The following HSPA12A variants were observed in gnomAD, a reference collection of about 807,000 sequenced individuals.
The protein encoded by HSPA12A is heat shock protein family A (Hsp70) member 12A, also known as heat shock 70 kDa protein 12A.
In HSPA12A, 28 loss-of-function variants were observed where a neutral mutation model predicts 69.2. The ratio of observed to expected loss-of-function variants is 0.40; its 90% confidence interval spans 0.30 to 0.55. The LOEUF (loss-of-function observed/expected upper bound fraction) is 0.55. HSPA12A is among the 20% of genes least tolerant of loss of function. The pLI is 0.38. For synonymous variants in HSPA12A, 345 were observed against 370.5 expected (o/e 0.93, Z 0.79); for missense variants, 686 against 900.7 (o/e 0.76, Z 3.05).
chr10:116,685,023 C>T (rs1387085881), intron 6 of HSPA12A, among the ~76,000 whole-genome samples: 7 of 152,218 alleles, frequency 4.6e-5, no homozygotes, highest in African/African-American at 7.2e-5. Flanking sequence ...TTCAGGTACA[C>T]GGGTGTCCTC....
At chr10:116,849,986 A>G (rs1334600307), upstream of HSPA12A, 1 of 661,164 alleles carries the variant, frequency 1.5e-6, no homozygotes, top group African/African-American at 1.8e-5. Flanking sequence ...TTTGACCTGC[A>G]GCGGCAGCCC....
intron 4 of HSPA12A, among the ~76,000 whole-genome samples, chr10:116,700,078 G>A (rs1353019027): frequency 6.6e-6 from 1 of 152,204 alleles, no homozygotes; most frequent in Non-Finnish European, 1.5e-5. Context: ...ATCCCCATGA[G>A]GAAGGCACTG....
chr10:116,793,685 A>G (rs1844751268), intron 2 of HSPA12A, among the ~76,000 whole-genome samples: 1 of 152,210 alleles, frequency 6.6e-6, no homozygotes, highest in South Asian at 2.1e-4. Context: ...TCCTTGTACT[A>G]TATAGAAGGA....
chr10:116,793,843 A>G (rs1844755169), intron 2 of HSPA12A, among the ~76,000 whole-genome samples: 1 of 152,204 alleles, frequency 6.6e-6, no homozygotes, highest in African/African-American at 2.4e-5. Flanking sequence ...AGAAAAAGAA[A>G]AACAGAAAGC....
At chr10:116,834,316 T>C (rs1008979037) in intron 2 of HSPA12A, among the ~76,000 whole-genome samples, 3 of 152,172 alleles carry the variant, frequency 2.0e-5, no homozygotes, top group Non-Finnish European at 4.4e-5. Context: ...TTAGTTAACA[T>C]GTTTTAAAAG....
chr10:116,799,754 G>A (rs1248691839), intron 2 of HSPA12A, among the ~76,000 whole-genome samples: 1 of 152,204 alleles, frequency 6.6e-6, no homozygotes, highest in East Asian at 1.9e-4. Flanking sequence ...GAAGGAGGGT[G>A]CAGGGCTGTC....
At chr10:116,717,888 G>C (rs1850655972) in intron 1 of HSPA12A, among the ~76,000 whole-genome samples, 1 of 152,164 alleles carries the variant, frequency 6.6e-6, no homozygotes, top group South Asian at 2.1e-4. Context: ...TAGGAAACGT[G>C]AGGGCCGGTG....
At chr10:116,706,436 TC>T (rs1850252800) in intron 2 of HSPA12A, among the ~76,000 whole-genome samples, 1 of 151,472 alleles carries the variant, frequency 6.6e-6, no homozygotes, top group African/African-American at 2.4e-5. Flanking sequence ...AATAAAGGAG[TC>T]CCCAGGGTGC....
chr10:116,794,482 T>C (rs1589710493), intron 2 of HSPA12A, among the ~76,000 whole-genome samples: 1 of 152,276 alleles, frequency 6.6e-6, no homozygotes, highest in East Asian at 1.9e-4. Context: ...TCACATTCTT[T>C]GATCACAATT....
Position 116,734,408 on chromosome 10 carries a change from C to T in HSPA12A, c.40+8022G>A, listed in dbSNP as rs549483906. On this transcript the variant is annotated intron_variant, in intron 1 of 11. Coordinates refer to ENST00000369209, the MANE Select transcript of HSPA12A (RefSeq NM_025015.3). The stretch of plus-strand genomic sequence containing the variant: ...GAGGCTGCAGTGAGCCGAGATCACA[C>T]CACTATACTCCAGCTTGGGCAATAG... Among the ~76,000 whole-genome samples the T allele has an allele frequency of 2.7e-5, 4 of 150,056 alleles. No homozygotes were observed. The East Asian group carries it at 7.9e-4, about 30-fold the overall frequency.
intron 2 of HSPA12A, among the ~76,000 whole-genome samples, chr10:116,784,715 G>A (rs531352909): frequency 7.2e-4 from 109 of 152,266 alleles, no homozygotes; most frequent in African/African-American, 2.1e-3. Context: ...TTGTGCTTCC[G>A]GCCCCAGCTG....
At chr10:116,734,650 C>CTTTTTTTTTT (rs10631951) in intron 1 of HSPA12A, among the ~76,000 whole-genome samples, 1 of 133,826 alleles carries the variant, frequency 7.5e-6, no homozygotes. Flanking sequence ...AGATTTTCAG[C>CTTTTTTTTTT]TTTTTTTTTT....
intron 1 of HSPA12A, among the ~76,000 whole-genome samples, chr10:116,711,704 G>A (rs1469528251): frequency 3.1e-5 from 4 of 127,380 alleles, no homozygotes; most frequent in Admixed American, 9.8e-5. Context: ...TCGCTCTGTC[G>A]CCCAGGCTGA....
At chr10:116,750,614 G>A (rs1554888238) in intron 2 of HSPA12A, 2 of 283,692 alleles carry the variant, frequency 7.0e-6, no homozygotes, top group African/African-American at 2.2e-5. Flanking sequence ...TGGAGGAGGT[G>A]TAGAAGAGAG....
chr10:116,686,880 C>A lies in HSPA12A; in HGVS notation c.664-2918G>T, dbSNP rs1463879487. Among the ~76,000 whole-genome samples the A allele has an allele frequency of 1.3e-5, 2 of 151,844 alleles. No homozygotes were observed. Among genetic ancestry groups the A allele is most frequent in the African/African-American group, 4.8e-5 (2 of 41,302 alleles). ...CCTCTTCCCACACCATAAGCTCCGC[C>A]CCTCATCCCTCTTCCCACACTGTAA... On this transcript the variant is annotated intron_variant, in intron 6 of 11. Coordinates refer to ENST00000369209, the MANE Select transcript of HSPA12A (RefSeq NM_025015.3). The surrounding 1 kb of genome is among the most constrained non-coding windows in gnomAD (Gnocchi z 4.1).
intron 10 of HSPA12A, among the ~76,000 whole-genome samples, chr10:116,679,182 A>G (rs1402717562): frequency 6.6e-6 from 1 of 152,244 alleles, no homozygotes; most frequent in Non-Finnish European, 1.5e-5. Context: ...GGCAGGGGCC[A>G]AAACTAAACT....
upstream of HSPA12A, among the ~76,000 whole-genome samples, chr10:116,745,439 T>C (rs149784942): frequency 6.6e-6 from 1 of 152,292 alleles, no homozygotes; most frequent in African/African-American, 2.4e-5. Flanking sequence ...TCTCTGTGGG[T>C]ACACTGCAGC....
intron 6 of HSPA12A, among the ~76,000 whole-genome samples, chr10:116,687,087 G>A (rs1849596412): frequency 6.6e-6 from 1 of 152,170 alleles, no homozygotes; most frequent in Non-Finnish European, 1.5e-5. Context: ...AAATCCAGCA[G>A]AACTGTCCCC....
chr10:116,674,876 G>T lies in HSPA12A; in HGVS notation c.1933C>A (p.Leu645Ile). The change falls in exon 12 of 12, where the codon CTT becomes ATT. Residue 645 changes from leucine (L) to isoleucine (I), a missense_variant. By Grantham distance (5) the Leu-to-Ile change is conservative (BLOSUM62 2). Coordinates refer to ENST00000369209, the MANE Select transcript of HSPA12A (RefSeq NM_025015.3). ...ATCTCGGTGTCCCCGAACTGCATAAGGGTCTGGATCTCCCTCCGGGCGGGC... is the reference window on the plus strand; with the variant it reads ...ATCTCGGTGTCCCCGAACTGCATAATGGTCTGGATCTCCCTCCGGGCGGGC... Reference protein sequence around the residue: ...AVPARREIQTLMQFGDTEIKA... With the variant: ...AVPARREIQTIMQFGDTEIKA... 6.2e-7 allele frequency: 1 copy of T among 1,613,648 alleles called. No homozygotes were observed. The highest frequency in any genetic ancestry group is 1.3e-5 in the African/African-American group (1 of 74,910).
Sources: gnomAD v4.1 joint callset for allele counts (sites outside exome capture counted in the v4.1 genomes callset) on GRCh38, gnomAD v4.1.1 for gene constraint, Gnocchi (gnomAD v3.1) non-coding constraint, MANE v1.5 for transcripts, NCBI Gene and HGNC (gene_info 2026-07-23, HGNC 2026-07-21) for gene names.